The following LMAN1 variants were observed in gnomAD, a reference collection of about 807,000 sequenced individuals.
The protein encoded by LMAN1 is lectin, mannose binding 1.
In LMAN1, 32 loss-of-function variants were observed where a neutral mutation model predicts 67.8. That is an observed-to-expected ratio of 0.47 (90% CI 0.36 to 0.63). LMAN1 has a LOEUF of 0.63. Ranked by LOEUF, LMAN1 falls within the 30% of genes least tolerant of loss-of-function variation. The pLI is 0.00. For synonymous variants in LMAN1, 235 were observed against 219.3 expected (o/e 1.07, Z -0.63); for missense variants, 632 against 628.2 (o/e 1.01, Z -0.06).
chr18:59,355,677 G>C lies in LMAN1; in HGVS notation c.215-19C>G. The C allele has an allele frequency of 6.2e-7, 1 of 1,611,394 alleles. No individual in the cohort carries two copies. Among genetic ancestry groups the C allele is most frequent in the Non-Finnish European group, 8.5e-7 (1 of 1,179,550 alleles). ...ATAGCATCTAGAACAGAAATCAGGGGAAAAAAGCTTTAAGTTATAATTAGG... is the reference window on the plus strand; with the variant it reads ...ATAGCATCTAGAACAGAAATCAGGGCAAAAAAGCTTTAAGTTATAATTAGG... On this transcript the variant is annotated intron_variant, in intron 1 of 12. Coordinates refer to ENST00000251047, the MANE Select transcript of LMAN1 (RefSeq NM_005570.4).
intron 8 of LMAN1, among the ~76,000 whole-genome samples, chr18:59,342,053 T>G (rs1449684890): frequency 6.6e-6 from 1 of 152,028 alleles, no homozygotes; most frequent in Non-Finnish European, 1.5e-5. Context: ...TGAACACCTA[T>G]ATGCTCACAA....
intron 10 of LMAN1, among the ~76,000 whole-genome samples, chr18:59,334,007 G>A (rs532794780): frequency 2.0e-5 from 3 of 152,260 alleles, no homozygotes; most frequent in South Asian, 2.1e-4. Context: ...TCAATGTCAC[G>A]TGTTGATTAA....
chr18:59,333,409 T>G, intron 10 of LMAN1, 165 bp from the exon 11 acceptor site: 1 of 602,842 alleles, frequency 1.7e-6, no homozygotes, highest in Non-Finnish European at 2.8e-6. Flanking sequence ...AATTGGAAAA[T>G]AATTTATAAA....
intron 3 of LMAN1, 126 bp from the exon 4 acceptor site, chr18:59,354,706 T>G: frequency 1.8e-6 from 1 of 553,842 alleles, no homozygotes; most frequent in East Asian, 2.9e-5. Context: ...TAACCTGGCC[T>G]TGGCACTCAA....
chr18:59,346,190 T>C (rs1908399598), intron 7 of LMAN1, 139 bp from the exon 8 acceptor site: 1 of 577,290 alleles, frequency 1.7e-6, no homozygotes, highest in African/African-American at 1.9e-5. Context: ...CTTCTTTACT[T>C]AAACGATAGC....
In LMAN1 at chr18:59,355,532, C is replaced by T; in HGVS notation, c.341G>A (p.Gly114Glu). The change falls in exon 2 of 13, where the codon GGA becomes GAA. Residue 114 changes from glycine (G) to glutamate (E), a missense_variant. Transcript: ENST00000251047. ...WEVEVTFRVT[G>E]RGRIGADGLA... ...GCCATCAGCTCCAATTCGACCTCTT[C>T]CAGTCACTCGAAATGTCACCTCAAC... 6.2e-7 allele frequency: 1 copy of T among 1,614,120 alleles called. No individual in the cohort carries two copies. The highest frequency in any genetic ancestry group is 8.5e-7 in the Non-Finnish European group (1 of 1,179,968).
chr18:59,351,799 G>C (rs1430320287), intron 5 of LMAN1, among the ~76,000 whole-genome samples: 1 of 152,296 alleles, frequency 6.6e-6, no homozygotes, highest in African/African-American at 2.4e-5. Flanking sequence ...TTTGCTACAT[G>C]CAGGTAAGCA....
Position 59,359,080 on chromosome 18 carries a change from C to T in LMAN1, c.165G>A (p.Pro55=). Reference sequence around the variant, plus strand: ...CGGTCCCGTCGCTCTGCACCAGGTGCGGCCCCTTGAAGCTGTATTTGTACT... The same window carrying T: ...CGGTCCCGTCGCTCTGCACCAGGTGTGGCCCCTTGAAGCTGTATTTGTACT... ...RFEYKYSFKG[P]HLVQSDGTVP... Residue 55 remains proline, a synonymous_variant, in exon 1 of 13, where the codon CCG becomes CCA. Coordinates refer to ENST00000251047, the MANE Select transcript of LMAN1 (RefSeq NM_005570.4). The T allele has an allele frequency of 1.9e-6, 3 of 1,614,078 alleles. No homozygotes were observed. The highest frequency in any genetic ancestry group is 2.5e-6 in the Non-Finnish European group (3 of 1,179,982).
intron 5 of LMAN1, among the ~76,000 whole-genome samples, chr18:59,352,139 T>C (rs1908556713): frequency 1.3e-5 from 2 of 152,252 alleles, no homozygotes; most frequent in African/African-American, 2.4e-5. Context: ...AACTGCCAGT[T>C]AGATATCTCC....
chr18:59,338,700 T>C (rs1278881652), intron 9 of LMAN1, 60 bp downstream of exon 9: 1 of 1,607,670 alleles, frequency 6.2e-7, no homozygotes, highest in Non-Finnish European at 8.5e-7. Context: ...TTGCCCTTCT[T>C]CTTTACTTCC....
intron 8 of LMAN1, 27 bp from the exon 9 acceptor site, chr18:59,338,980 CAG>C (rs985393420): frequency 1.3e-6 from 2 of 1,589,520 alleles, no homozygotes; most frequent in African/African-American, 1.3e-5. Context: ...TAAAAATGAT[CAG>C]AGTCACCTAC....
At chr18:59,343,573 G>C (rs941579583) in intron 8 of LMAN1, among the ~76,000 whole-genome samples, 1 of 151,976 alleles carries the variant, frequency 6.6e-6, no homozygotes, top group South Asian at 2.1e-4. Flanking sequence ...TTCAATAAAC[G>C]GTGCAGAAAA....
chr18:59,338,628 C>A lies in LMAN1; in HGVS notation c.1150-1G>T, dbSNP rs1471508496. ...CAGTATCCAGTTCTTGTTGAGTAAT[C>A]TGGAGGAAGAAACAATGACGAGCAA... On this transcript the variant is annotated splice_acceptor_variant, in intron 9 of 12. Transcript: ENST00000251047. LOFTEE classifies it high-confidence loss of function. 6.2e-7 allele frequency: 1 copy of A among 1,613,448 alleles called. No individual in the cohort carries two copies. The highest frequency in any genetic ancestry group is 8.5e-7 in the Non-Finnish European group (1 of 1,179,528).
Position 59,352,810 on chromosome 18 carries a change from T to C in LMAN1, c.639+392A>G, listed in dbSNP as rs902712357. ...CATTTATCACACAGCATAGGAATGA[T>C]ACATTTGTGTGTCCTCTGTTAGGCT... On this transcript the variant is annotated intron_variant, in intron 5 of 12. Transcript: ENST00000251047. 4 of 305,202 alleles carry C rather than the reference T, an allele frequency of 1.3e-5. No homozygotes were observed. The Admixed American group carries it at 1.3e-4, about 10-fold the overall frequency. The allele number at this position is 305,202 out of a possible 1,614,324, so 18.9% of individuals were successfully genotyped here.
At chr18:59,350,595 C>T (rs527584236) in intron 5 of LMAN1, among the ~76,000 whole-genome samples, 18 of 152,118 alleles carry the variant, frequency 1.2e-4, no homozygotes, top group African/African-American at 4.3e-4. Context: ...CCAGGGTTCA[C>T]GCCATTCTCC....
chr18:59,330,786 G>C lies in LMAN1; in HGVS notation c.*307C>G, dbSNP rs191169863. On this transcript the variant is annotated 3_prime_UTR_variant, in exon 13 of 13. Coordinates refer to ENST00000251047, the MANE Select transcript of LMAN1 (RefSeq NM_005570.4). ...GAAACCTGCAATATTGGAGACTTAG[G>C]GGGTAACATTCATATCCAGGGGTTG... 3.0e-6 allele frequency: 1 copy of C among 337,524 alleles called. No homozygotes were observed. The highest frequency in any genetic ancestry group is 5.4e-6 in the Non-Finnish European group (1 of 184,074). The allele number at this position is 337,524 out of a possible 1,614,324, so 20.9% of individuals were successfully genotyped here.
In LMAN1 at chr18:59,353,278, G is replaced by A; in HGVS notation, c.563C>T (p.Ala188Val). Reference protein sequence around the residue: ...HQNDGASQALASCQRDFRNKP... With the variant: ...HQNDGASQALVSCQRDFRNKP... ...GTTGCGGAAGTCCCTCTGGCAACTTGCCAAAGCTTGACTAGCCCCGTCACT... is the reference window on the plus strand; with the variant it reads ...GTTGCGGAAGTCCCTCTGGCAACTTACCAAAGCTTGACTAGCCCCGTCACT... The change falls in exon 5 of 13, where the codon GCA (alanine) becomes GTA (valine). Residue 188 changes from alanine (A) to valine (V), a missense_variant. Physicochemically the swap from Ala to Val is moderately conservative, Grantham distance 64 (BLOSUM62 0). Coordinates refer to ENST00000251047, the MANE Select transcript of LMAN1 (RefSeq NM_005570.4). The A allele has an allele frequency of 1.2e-6, 2 of 1,614,016 alleles. No homozygotes were observed. Among genetic ancestry groups the A allele is most frequent in the South Asian group, 2.2e-5 (2 of 91,078 alleles).
intron 7 of LMAN1, among the ~76,000 whole-genome samples, 185 bp from the exon 8 acceptor site, chr18:59,346,236 T>TTTTA (rs1555672076): frequency 9.7e-6 from 1 of 102,582 alleles, no homozygotes; most frequent in African/African-American, 3.9e-5. Flanking sequence ...TTTTTTTTTT[T>TTTTA]AGAGACAAGA....
At position 59,355,301 on chromosome 18, in the gene LMAN1, C is replaced by T; in HGVS notation, c.477+12G>A. Reference sequence around the variant, plus strand: ...GTATTAAAGTGGATAACAGTCCTGACAATAAATATACCTTTCCATCATTGT... The same window carrying T: ...GTATTAAAGTGGATAACAGTCCTGATAATAAATATACCTTTCCATCATTGT... On this transcript the variant is annotated intron_variant, in intron 3 of 12. Transcript: ENST00000251047. The T allele has an allele frequency of 6.3e-7, 1 of 1,584,910 alleles. No individual in the cohort carries two copies. The highest frequency in any genetic ancestry group is 8.7e-7 in the Non-Finnish European group (1 of 1,155,536).
Sources: gnomAD v4.1 joint callset for allele counts (sites outside exome capture counted in the v4.1 genomes callset) on GRCh38, gnomAD v4.1.1 for gene constraint, MANE v1.5 for transcripts, NCBI Gene and HGNC (gene_info 2026-07-23, HGNC 2026-07-21) for gene names.